The following CPLANE1 variants were observed in gnomAD, a reference collection of about 807,000 sequenced individuals.
CPLANE1 encodes ciliogenesis and planar polarity effector complex subunit 1.
Under a neutral mutation model 362.5 loss-of-function variants are expected in CPLANE1, and 263 were observed. The observed-to-expected ratio is 0.73, with a 90% CI of 0.66 to 0.80. The LOEUF (loss-of-function observed/expected upper bound fraction) is 0.80, where lower values mean the gene tolerates loss of function less well. Ranked by LOEUF, CPLANE1 falls within the 30% of genes least tolerant of loss-of-function variation. CPLANE1 has a pLI of 0.00. For missense variants in CPLANE1, 3,461 were observed against 3,793.4 expected (o/e 0.91, Z 2.30); for synonymous variants, 1,212 against 1,302.6 (o/e 0.93, Z 1.50).
At chr5:37,109,733 T>C (rs1758572046) in intron 51 of CPLANE1, among the ~76,000 whole-genome samples, 1 of 152,226 alleles carries the variant, frequency 6.6e-6, no homozygotes, top group Admixed American at 6.5e-5. Flanking sequence ...TTCGGTTCGC[T>C]GCAACCTCTG....
At chr5:37,208,493 C>T (rs1007063767) in intron 16 of CPLANE1, among the ~76,000 whole-genome samples, 3 of 152,162 alleles carry the variant, frequency 2.0e-5, no homozygotes, top group South Asian at 4.1e-4. Flanking sequence ...CTGGCTAACA[C>T]GGTGAAACCC....
At chr5:37,242,215 C>T (rs1800708092) in intron 6 of CPLANE1, among the ~76,000 whole-genome samples, 1 of 151,644 alleles carries the variant, frequency 6.6e-6, no homozygotes, top group African/African-American at 2.4e-5. Flanking sequence ...TTAGCCAGGC[C>T]TGGTGGCGGG....
In CPLANE1 at chr5:37,227,326, C is replaced by T. The variant is rs1580899467; in HGVS notation, c.1438G>A (p.Gly480Arg). ...GTGAAATCGGCTGAACTTTCATTTCCTTGGTGTTCTAACAGGCTAGACCTT... is the reference window on the plus strand; with the variant it reads ...GTGAAATCGGCTGAACTTTCATTTCTTTGGTGTTCTAACAGGCTAGACCTT... ...SLRSSLLEHQ[G>R]NESSADFTVP... Residue 480 changes from glycine (G) to arginine (R), a missense_variant, in exon 11 of 53, where the codon GGA (glycine) becomes AGA (arginine). By Grantham distance (125) the Gly-to-Arg change is moderately radical (BLOSUM62 -2). Around this residue, in one of 2 missense-constraint regions of CPLANE1, gnomAD observed 3,380 missense variants for 3,666.1 expected, o/e 0.92. Coordinates refer to ENST00000651892, the MANE Select transcript of CPLANE1 (RefSeq NM_001384732.1). 1.9e-6 allele frequency: 3 copies of T among 1,552,030 alleles called. No individual in the cohort carries two copies. Among genetic ancestry groups the T allele is most frequent in the South Asian group, 1.2e-5 (1 of 84,038 alleles).
intron 41 of CPLANE1, among the ~76,000 whole-genome samples, chr5:37,156,186 T>G (rs575765475): frequency 6.9e-4 from 105 of 152,354 alleles, no homozygotes; most frequent in Admixed American, 1.5e-3. Context: ...CAGGGCTGAC[T>G]AGGTCCATAC....
rs1230624615 is a variant in CPLANE1, at chr5:37,107,684, T to C, written c.9674A>G (p.Lys3225Arg). 1 of 1,611,754 alleles carries C rather than the reference T, an allele frequency of 6.2e-7. No homozygotes were observed. Among genetic ancestry groups the C allele is most frequent in the Non-Finnish European group, 8.5e-7 (1 of 1,179,104 alleles). ...VSESTGSILS[K>R]LDWNAIEDMV... ...GTCTTCGATGGCATTCCAGTCCAGCTTGCTGAGGATGCTGCCAGTGCTCTC... is the reference window on the plus strand; with the variant it reads ...GTCTTCGATGGCATTCCAGTCCAGCCTGCTGAGGATGCTGCCAGTGCTCTC... The change falls in exon 53 of 53, where the codon AAG (lysine) becomes AGG (arginine). Residue 3225 changes from lysine (K) to arginine (R), a missense_variant. Lys to Arg is a conservative substitution (Grantham distance 26, BLOSUM62 2). This residue lies in a region of CPLANE1 where 81 missense variants were observed against 127.3 expected (regional missense o/e 0.64). Transcript: ENST00000651892.
At chr5:37,236,637 C>T (rs548888770) in intron 8 of CPLANE1, among the ~76,000 whole-genome samples, 1 of 148,262 alleles carries the variant, frequency 6.7e-6, no homozygotes, top group Admixed American at 6.8e-5. Context: ...AGGCAACCTA[C>T]AAAATGGGAG....
chr5:37,187,923 T>C, intron 21 of CPLANE1, 81 bp from the exon 22 acceptor site: 1 of 901,022 alleles, frequency 1.1e-6, no homozygotes, highest in Non-Finnish European at 1.6e-6. Flanking sequence ...CTGCTGATCA[T>C]TTTTTTCAAA....
At chr5:37,141,598 A>G (rs1330930021) in intron 44 of CPLANE1, 26 of 958,868 alleles carry the variant, frequency 2.7e-5, no homozygotes, top group Non-Finnish European at 3.1e-5. Flanking sequence ...TTTACTGTTT[A>G]TATCACTTTA....
intron 8 of CPLANE1, among the ~76,000 whole-genome samples, chr5:37,235,656 T>A (rs1798816173): frequency 7.3e-6 from 1 of 137,722 alleles, no homozygotes; most frequent in South Asian, 2.6e-4. Flanking sequence ...CACTGCAACC[T>A]CTGCCTCCCA....
intron 16 of CPLANE1, 57 bp downstream of exon 16, chr5:37,213,502 A>G (rs1439709457): frequency 1.6e-6 from 2 of 1,235,630 alleles, no homozygotes; most frequent in Non-Finnish European, 2.2e-6. Context: ...TATGTTTTAA[A>G]TATTATATTA....
intron 16 of CPLANE1, chr5:37,211,709 C>G: frequency 1.3e-6 from 1 of 778,526 alleles, no homozygotes; most frequent in Non-Finnish European, 2.4e-6. Context: ...CTAGGCACAA[C>G]CTCTCCATCC....
chr5:37,205,047 C>G (rs956934120), intron 18 of CPLANE1: 2 of 188,382 alleles, frequency 1.1e-5, no homozygotes, highest in African/African-American at 4.7e-5. Context: ...ATCCCAGCTA[C>G]TCGGGAAGCT....
intron 19 of CPLANE1, among the ~76,000 whole-genome samples, chr5:37,199,229 A>G (rs1044567227): frequency 2.6e-5 from 4 of 152,146 alleles, no homozygotes; most frequent in Non-Finnish European, 5.9e-5. Context: ...TATTTCTAGA[A>G]TTGAGAAATG....
chr5:37,098,922 T>TG, the CPLANE1 span, among the ~76,000 whole-genome samples: 1 of 45,994 alleles, frequency 2.2e-5, no homozygotes, highest in South Asian at 5.9e-4. Context: ...AATGCCTACA[T>TG]CAAAAAAAAA....
Position 37,227,494 on chromosome 5 carries a change from C to T in CPLANE1, c.1371+74G>A. On this transcript the variant is annotated intron_variant, in intron 10 of 52. Coordinates refer to ENST00000651892, the MANE Select transcript of CPLANE1 (RefSeq NM_001384732.1). Reference sequence around the variant, plus strand: ...TAGACAACTGTATACAATTCAAGGACATTATTGTCAGTAAAGTTTTAAATT... The same window carrying T: ...TAGACAACTGTATACAATTCAAGGATATTATTGTCAGTAAAGTTTTAAATT... 4 of 1,483,040 alleles carry T rather than the reference C, an allele frequency of 2.7e-6. No individual in the cohort carries two copies. The African/African-American group carries it at 5.7e-5, about 21-fold the overall frequency. The allele number at this position is 1,483,040 out of a possible 1,614,324, so 91.9% of individuals were successfully genotyped here. A position where few individuals can be genotyped will look rare whatever the true frequency, so the allele number is the denominator to read the frequency against.
the CPLANE1 span, among the ~76,000 whole-genome samples, chr5:37,079,678 G>A: frequency 5.3e-5 from 8 of 152,176 alleles, no homozygotes; most frequent in South Asian, 8.3e-4. Flanking sequence ...GGGTCTCTAC[G>A]TCACAAGGCC....
At chr5:37,135,911 C>T (rs917828500) in intron 46 of CPLANE1, among the ~76,000 whole-genome samples, 1 of 152,014 alleles carries the variant, frequency 6.6e-6, no homozygotes, top group Non-Finnish European at 1.5e-5. Context: ...GGGCAAAACA[C>T]CTCCGTGATT....
chr5:37,147,143 T>C (rs1284602725), intron 43 of CPLANE1, among the ~76,000 whole-genome samples: 1 of 152,164 alleles, frequency 6.6e-6, no homozygotes, highest in Non-Finnish European at 1.5e-5. Flanking sequence ...CAACACAATT[T>C]AGAAGCTTGA....
intron 46 of CPLANE1, chr5:37,130,499 T>A (rs1765460111): frequency 4.6e-6 from 1 of 217,268 alleles, no homozygotes; most frequent in South Asian, 7.9e-5. Context: ...AACAACTTTA[T>A]AAGGCTAAAA....
Sources: allele counts gnomAD v4.1 joint callset (sites outside exome capture counted in the v4.1 genomes callset), GRCh38; gene constraint gnomAD v4.1.1; regional missense constraint gnomAD v4.1.1; transcripts MANE v1.5; gene names NCBI Gene and HGNC (gene_info 2026-07-23, HGNC 2026-07-21).